DOCK9: variants seen among roughly 807,000 people sequenced by gnomAD.
The protein encoded by DOCK9 is dedicator of cytokinesis protein 9.
DOCK9 carries 89 observed loss-of-function variants against 263.3 expected under a neutral mutation model. The ratio of observed to expected loss-of-function variants is 0.34; its 90% CI spans 0.28 to 0.40. The LOEUF is 0.40. DOCK9 is among the 10% of genes least tolerant of loss of function. DOCK9 has a pLI of 1.00. For synonymous variants in DOCK9, 976 were observed against 973.1 expected, an observed-to-expected ratio of 1.00 and a Z score of -0.06; for missense variants, 2,140 against 2,603.4, an observed-to-expected ratio of 0.82 and a Z score of 3.87.
intron 1 of DOCK9, among the ~76,000 whole-genome samples, chr13:99,083,806 TTTG>T (rs145633917): frequency 0.22 from 32,714 of 152,048 alleles, 3,508 homozygotes; most frequent in Middle Eastern, 0.31. Context: ...ACTATTTCAT[TTTG>T]TTGTTTCTGA....
At chr13:99,022,063 T>C (rs1465186413) in intron 1 of DOCK9, among the ~76,000 whole-genome samples, 8 of 152,226 alleles carry the variant, frequency 5.3e-5, no homozygotes, top group Admixed American at 5.2e-4. Context: ...CCATGGTGCA[T>C]TTCAGGAACA....
chr13:98,914,234 A>G, intron 9 of DOCK9, 94 bp downstream of exon 9: 1 of 1,066,012 alleles, frequency 9.4e-7, no homozygotes, highest in Non-Finnish European at 1.4e-6. Context: ...TGTAATTTTT[A>G]TGATTTCAAC....
intron 1 of DOCK9, among the ~76,000 whole-genome samples, chr13:99,070,353 A>C (rs1596033448): frequency 1.1e-5 from 1 of 92,680 alleles, no homozygotes; most frequent in South Asian, 4.0e-4. Flanking sequence ...AGAATATATA[A>C]AAAACAAATC....
At position 98,999,308 on chromosome 13, in the gene DOCK9, A is replaced by T. The variant is rs150100380; in HGVS notation, c.130-43757T>A. 2.1e-4 allele frequency among the ~76,000 whole-genome samples: 19 copies of T among 92,140 alleles called. No individual in the cohort carries two copies. In the East Asian group the frequency reaches 2.2e-3, roughly 11 times the overall value. 60.4% of individuals were successfully genotyped at this position (92,140 alleles called of 152,430 possible). A position where few individuals can be genotyped will look rare whatever the true frequency, so the allele number is the denominator to read the frequency against. ...TGCACGCGCACACACACACACACAC[A>T]CACACACACTCTCTCTCTCTCTCTC... On this transcript the variant is annotated intron_variant, in intron 1 of 32. Transcript: ENST00000427887.
At chr13:98,831,251 A>T in intron 41 of DOCK9, 97 bp downstream of exon 41, 1 of 1,330,746 alleles carries the variant, frequency 7.5e-7, no homozygotes, top group Admixed American at 2.6e-5. Context: ...CAGTATCTTT[A>T]TGACAAGGTA....
chr13:98,925,077 T>C (rs538465071), intron 4 of DOCK9, among the ~76,000 whole-genome samples: 5 of 151,754 alleles, frequency 3.3e-5, no homozygotes, highest in South Asian at 4.2e-4. Flanking sequence ...GGCGGGAGAG[T>C]TGCTTGAACT....
chr13:98,895,801 C>T (rs988883859), intron 15 of DOCK9, among the ~76,000 whole-genome samples: 1 of 152,094 alleles, frequency 6.6e-6, no homozygotes, highest in Non-Finnish European at 1.5e-5. Context: ...ACTAAAGAAC[C>T]TCTATGATTT....
Position 98,868,308 on chromosome 13 carries a change from G to T in DOCK9, c.3013C>A (p.Pro1005Thr). 6.2e-7 allele frequency: 1 copy of T among 1,613,782 alleles called. No individual in the cohort carries two copies. The highest frequency in any genetic ancestry group is 1.1e-5 in the South Asian group (1 of 91,042). ...TCTCGAAACTTCTGAGTGATGTGTG[G>T]CATCAGCATATTTACAACGGTTTCC... Reference protein sequence around the residue: ...AVETVVNMLMPHITQKFRDNP... With the variant: ...AVETVVNMLMTHITQKFRDNP... The change falls in exon 28 of 53, where the codon CCA (proline) becomes ACA (threonine). Residue 1005 changes from proline (P) to threonine (T), a missense_variant. Physicochemically the swap from Pro to Thr is conservative, Grantham distance 38. Coordinates refer to ENST00000682017, the MANE Select transcript of DOCK9 (RefSeq NM_001366683.2).
At chr13:99,076,068 C>T (rs970729268) in intron 1 of DOCK9, among the ~76,000 whole-genome samples, 1 of 152,016 alleles carries the variant, frequency 6.6e-6, no homozygotes, top group East Asian at 1.9e-4. Flanking sequence ...TCTCTTGCTA[C>T]CAATTCACCA....
Position 98,902,497 on chromosome 13 carries a change from C to G in DOCK9, c.1177-6G>C. On this transcript the variant is annotated splice_polypyrimidine_tract_variant and splice_region_variant and intron_variant, in intron 11 of 52. Transcript: ENST00000682017. ...GTAACAAAGAAAGGTTCAACCTGAA[C>G]AAAACAAAACAATCCAATGATCACC... 2 of 1,611,842 alleles carry G rather than the reference C, an allele frequency of 1.2e-6. No homozygotes were observed. Among genetic ancestry groups the G allele is most frequent in the Non-Finnish European group, 1.7e-6 (2 of 1,178,724 alleles).
intron 37 of DOCK9, chr13:98,847,603 A>G (rs961849796): frequency 6.6e-6 from 1 of 152,232 alleles, no homozygotes; most frequent in African/African-American, 2.4e-5. Flanking sequence ...CCAGAAAAGA[A>G]CAATGTTAAC....
intron 10 of DOCK9, among the ~76,000 whole-genome samples, chr13:98,903,608 AAAAAAAAAAAAGAC>A (rs71114558): frequency 0.062 from 6,384 of 103,720 alleles, 225 homozygotes; most frequent in Non-Finnish European, 0.097. Context: ...TCAAAAAAAA[AAAAAAAAAAAAGAC>A]AAAAAAAAAA....
At chr13:99,059,378 C>T (rs1204622933) in intron 1 of DOCK9, among the ~76,000 whole-genome samples, 1 of 152,138 alleles carries the variant, frequency 6.6e-6, no homozygotes, top group Non-Finnish European at 1.5e-5. Flanking sequence ...ATCAGCTGGG[C>T]ATACAGGCAT....
chr13:98,891,167 C>T lies in DOCK9; in HGVS notation c.1710-2456G>A, dbSNP rs75701294. On this transcript the variant is annotated intron_variant, in intron 15 of 52. Transcript: ENST00000682017. ...CATTTCCTGAGAGCTTTTGACCCAG[C>T]ATCTCCCAAGCTCTGGGCACTCCTA... Among the ~76,000 whole-genome samples the T allele has an allele frequency of 3.6e-3, 549 of 152,272 alleles. 2 individuals are homozygous for T. Among genetic ancestry groups the T allele is most frequent in the African/African-American group, 0.013 (530 of 41,548 alleles).
chr13:99,003,481 G>T (rs1882761670), intron 1 of DOCK9, among the ~76,000 whole-genome samples: 1 of 152,156 alleles, frequency 6.6e-6, no homozygotes, highest in Non-Finnish European at 1.5e-5. Context: ...TCTAGCTATG[G>T]TCCTACTAGT....
intron 9 of DOCK9, among the ~76,000 whole-genome samples, chr13:98,912,683 T>C (rs370398008): frequency 6.6e-6 from 1 of 152,008 alleles, no homozygotes; most frequent in Non-Finnish European, 1.5e-5. Context: ...ATTGGCTGGG[T>C]AGTAAGAGAA....
intron 1 of DOCK9, among the ~76,000 whole-genome samples, chr13:98,986,775 C>T (rs1338356451): frequency 1.3e-5 from 2 of 152,108 alleles, no homozygotes; most frequent in African/African-American, 4.8e-5. Flanking sequence ...CGTTGTTATT[C>T]CTGGGCCACA....
rs1303201711 is a variant in DOCK9, at chr13:98,831,894, AC to A, written c.4315-109del. 3 of 1,351,620 alleles carry A rather than the reference AC, an allele frequency of 2.2e-6. No individual in the cohort carries two copies. In the African/African-American group the frequency reaches 4.4e-5, roughly 20 times the overall value. 83.7% of individuals were successfully genotyped at this position (1,351,620 alleles called of 1,614,324 possible). On this transcript the variant is annotated intron_variant, in intron 39 of 52. Transcript: ENST00000682017. ...TTTTCTAAGTATTAAGACAACTTAT[AC>A]TTTAAACAAACTCTGCCTTGAATCC...
intron 2 of DOCK9, among the ~76,000 whole-genome samples, chr13:98,933,864 TCTG>T (rs2054355992): frequency 8.0e-6 from 1 of 124,524 alleles, no homozygotes; most frequent in South Asian, 2.9e-4. Flanking sequence ...AAACCTAGCC[TCTG>T]TTGTTGTTGT....
Sources: allele counts gnomAD v4.1 joint callset (sites outside exome capture counted in the v4.1 genomes callset), GRCh38; gene constraint gnomAD v4.1.1; transcripts MANE v1.5; gene names NCBI Gene and HGNC (gene_info 2026-07-23, HGNC 2026-07-21).